The following RANBP17 variants were observed in gnomAD, a reference collection of about 807,000 sequenced individuals.
The protein encoded by RANBP17 is ran-binding protein 17.
A neutral mutation model predicts 141.2 loss-of-function variants in RANBP17; 158 were observed. The ratio of observed to expected loss-of-function variants is 1.12; its 90% CI spans 0.98 to 1.28. The LOEUF (loss-of-function observed/expected upper bound fraction) is 1.28. Ranked by LOEUF, RANBP17 falls within the 50% of genes most tolerant of loss-of-function variation. The probability of loss-of-function intolerance (pLI) is 0.00; values close to 1 mark genes in which losing one functional copy is unlikely to be tolerated. For synonymous variants in RANBP17, 430 were observed against 450.0 expected, an observed-to-expected ratio of 0.96 and a Z score of 0.56; for missense variants, 1,438 against 1,290.7, an observed-to-expected ratio of 1.11 and a Z score of -1.75.
At chr5:170,896,539 C>CT (rs1196545773) in intron 5 of RANBP17, among the ~76,000 whole-genome samples, 5 of 152,016 alleles carry the variant, frequency 3.3e-5, no homozygotes, top group South Asian at 2.1e-4. Context: ...AAAAAACAGG[C>CT]TTTTTTTTGA....
At chr5:171,002,884 G>T (rs1022159704) in intron 14 of RANBP17, among the ~76,000 whole-genome samples, 6 of 152,190 alleles carry the variant, frequency 3.9e-5, no homozygotes, top group African/African-American at 1.4e-4. Context: ...CGGGAATAAT[G>T]TGGGAGGCCG....
At chr5:170,867,530 A>C (rs781757032) in intron 1 of RANBP17, among the ~76,000 whole-genome samples, 1 of 152,156 alleles carries the variant, frequency 6.6e-6, no homozygotes, top group Non-Finnish European at 1.5e-5. Flanking sequence ...TAAGAGGAAG[A>C]AAAAAAGAGT....
At chr5:171,049,758 TG>T (rs1169546323) in intron 14 of RANBP17, among the ~76,000 whole-genome samples, 1 of 152,226 alleles carries the variant, frequency 6.6e-6, no homozygotes, top group African/African-American at 2.4e-5. Context: ...TTGTTCACTT[TG>T]TCAAAGAGCA....
chr5:171,177,121 A>T (rs1004971536), intron 16 of RANBP17, among the ~76,000 whole-genome samples: 2 of 152,158 alleles, frequency 1.3e-5, no homozygotes, highest in Non-Finnish European at 2.9e-5. Context: ...GCATACTTCT[A>T]TTAGCATTTT....
intron 12 of RANBP17, among the ~76,000 whole-genome samples, chr5:170,935,931 C>T (rs1392127174): frequency 4.6e-5 from 7 of 152,170 alleles, no homozygotes; most frequent in South Asian, 2.1e-4. Flanking sequence ...CTTGAGCTGC[C>T]GTGGGCTCCA....
At chr5:170,968,917 G>T (rs1776790365) in intron 14 of RANBP17, among the ~76,000 whole-genome samples, 2 of 151,862 alleles carry the variant, frequency 1.3e-5, no homozygotes, top group South Asian at 4.2e-4. Flanking sequence ...TATAATGAAA[G>T]ATTATTAAGG....
intron 12 of RANBP17, among the ~76,000 whole-genome samples, chr5:170,925,469 T>G (rs528449966): frequency 1.2e-4 from 19 of 152,262 alleles, no homozygotes; most frequent in African/African-American, 4.6e-4. Context: ...TCTTCATTAT[T>G]GATTTATTCT....
intron 14 of RANBP17, among the ~76,000 whole-genome samples, chr5:171,164,032 CCTATAGAACCAGTG>C (rs1759517249): frequency 6.6e-6 from 1 of 152,048 alleles, no homozygotes; most frequent in Non-Finnish European, 1.5e-5. Flanking sequence ...CTTTTGAAAA[CCTATAGAACCAGTG>C]TTTTCTCTTA....
At chr5:171,221,107 A>G (rs1163337442) in intron 21 of RANBP17, among the ~76,000 whole-genome samples, 2 of 152,190 alleles carry the variant, frequency 1.3e-5, no homozygotes, top group African/African-American at 4.8e-5. Flanking sequence ...CAAATATGTC[A>G]GGAGGTCATG....
intron 14 of RANBP17, among the ~76,000 whole-genome samples, chr5:171,118,253 A>G (rs1163175490): frequency 6.6e-6 from 1 of 152,182 alleles, no homozygotes; most frequent in Non-Finnish European, 1.5e-5. Flanking sequence ...TTATTGGTCC[A>G]TCTTTCTGTT....
At chr5:170,974,183 A>C (rs1777200395) in intron 14 of RANBP17, among the ~76,000 whole-genome samples, 1 of 152,206 alleles carries the variant, frequency 6.6e-6, no homozygotes, top group Admixed American at 6.5e-5. Flanking sequence ...TTGAGACTCC[A>C]CAGTGATTCA....
intron 2 of RANBP17, among the ~76,000 whole-genome samples, chr5:170,879,996 T>C (rs573943002): frequency 6.6e-6 from 1 of 152,320 alleles, no homozygotes; most frequent in South Asian, 2.1e-4. Context: ...CCATAGACTT[T>C]AAACATCTTA....
chr5:170,946,353 C>T (rs543016810), intron 12 of RANBP17, among the ~76,000 whole-genome samples: 4 of 152,056 alleles, frequency 2.6e-5, no homozygotes, highest in Non-Finnish European at 5.9e-5. Context: ...AAGAATGACT[C>T]CTACAGAGAG....
At chr5:171,146,970 T>C (rs956999715) in intron 14 of RANBP17, among the ~76,000 whole-genome samples, 2 of 152,216 alleles carry the variant, frequency 1.3e-5, no homozygotes, top group African/African-American at 4.8e-5. Flanking sequence ...AGAATAGTAA[T>C]AGTACTATCT....
At chr5:170,962,674 A>G (rs1008059334) in intron 13 of RANBP17, among the ~76,000 whole-genome samples, 1 of 152,200 alleles carries the variant, frequency 6.6e-6, no homozygotes, top group African/African-American at 2.4e-5. Context: ...ATTAGAAGAT[A>G]AACGTATCAC....
At chr5:170,906,107 C>A (rs13173388) in intron 5 of RANBP17, among the ~76,000 whole-genome samples, 91,154 of 151,784 alleles carry the variant, frequency 0.6, 29,124 homozygotes, top group South Asian at 0.88. Context: ...GTTCTTGTAC[C>A]TAACCACAAT....
At chr5:170,911,895 C>T (rs1392826345) in intron 7 of RANBP17, among the ~76,000 whole-genome samples, 2 of 151,796 alleles carry the variant, frequency 1.3e-5, no homozygotes, top group Non-Finnish European at 2.9e-5. Context: ...GGAAATGGGG[C>T]TGACGGGGTT....
At chr5:171,216,116 A>T (rs1763203336) in intron 21 of RANBP17, among the ~76,000 whole-genome samples, 1 of 152,130 alleles carries the variant, frequency 6.6e-6, no homozygotes. Flanking sequence ...AGTTTTCTTC[A>T]TATGGCTAGC....
intron 4 of RANBP17, among the ~76,000 whole-genome samples, chr5:170,892,972 C>A (rs565421337): frequency 5.3e-5 from 8 of 151,996 alleles, no homozygotes; most frequent in African/African-American, 1.9e-4. Context: ...GACTGATTAA[C>A]GCATACAGCT....
Sources: allele counts gnomAD v4.1 joint callset (sites outside exome capture counted in the v4.1 genomes callset), GRCh38; gene constraint gnomAD v4.1.1; transcripts MANE v1.5; gene names NCBI Gene and HGNC (gene_info 2026-07-23, HGNC 2026-07-21).